ANKRD29: variants seen among roughly 807,000 people sequenced by gnomAD.
ANKRD29 encodes ankyrin repeat domain-containing protein 29.
A neutral mutation model predicts 38.0 loss-of-function variants in ANKRD29; 32 were observed. The observed-to-expected ratio is 0.84, with a 90% CI of 0.64 to 1.13. The LOEUF (loss-of-function observed/expected upper bound fraction) is 1.13, where lower values mean the gene tolerates loss of function less well. Among genes scored for constraint, ANKRD29 ranks in the 50% most tolerant of loss-of-function variants. The pLI is 0.00. For synonymous variants in ANKRD29, 135 were observed against 152.4 expected (o/e 0.89, Z 0.84); for missense variants, 357 against 377.9 (o/e 0.94, Z 0.46).
chr18:23,601,376 G>C (rs1047324693), intron 9 of ANKRD29, 67 bp from the exon 10 acceptor site: 3 of 1,362,462 alleles, frequency 2.2e-6, no homozygotes, highest in Admixed American at 1.7e-5. Context: ...ACTCCAAAGA[G>C]GGGCATTTGA....
At chr18:23,609,807 T>C (rs755021534) in intron 9 of ANKRD29, among the ~76,000 whole-genome samples, 5 of 152,154 alleles carry the variant, frequency 3.3e-5, no homozygotes, top group Admixed American at 1.3e-4. Context: ...AAAGATAAGA[T>C]CTAAAGAAAG....
At chr18:23,601,390 A>G (rs2059510268) in intron 9 of ANKRD29, 81 bp from the exon 10 acceptor site, 1 of 1,128,058 alleles carries the variant, frequency 8.9e-7, no homozygotes, top group Non-Finnish European at 1.3e-6. Context: ...CATTTGACCC[A>G]CTCTTTCTCC....
chr18:23,616,196 T>C (rs1273017308), intron 8 of ANKRD29, among the ~76,000 whole-genome samples: 8 of 149,830 alleles, frequency 5.3e-5, no homozygotes, highest in Non-Finnish European at 1.2e-4. Flanking sequence ...ATATAATACA[T>C]CCATACTATA....
At chr18:23,633,600 T>G (rs1282204747) in intron 5 of ANKRD29, among the ~76,000 whole-genome samples, 1 of 152,172 alleles carries the variant, frequency 6.6e-6, no homozygotes, top group Non-Finnish European at 1.5e-5. Flanking sequence ...GGACAGAGTC[T>G]CACTATGTCA....
intron 8 of ANKRD29, among the ~76,000 whole-genome samples, chr18:23,613,137 C>T (rs2059664651): frequency 2.0e-5 from 3 of 150,152 alleles, no homozygotes; most frequent in South Asian, 4.2e-4. Flanking sequence ...AATCTATCAA[C>T]TTCACCTACA....
chr18:23,631,765 G>T (rs532719622), intron 5 of ANKRD29, among the ~76,000 whole-genome samples: 2 of 152,186 alleles, frequency 1.3e-5, no homozygotes, highest in Non-Finnish European at 2.9e-5. Context: ...TCTTAACTGA[G>T]TATCTATGCC....
chr18:23,602,364 T>C (rs757246713), intron 9 of ANKRD29, among the ~76,000 whole-genome samples: 3 of 152,092 alleles, frequency 2.0e-5, no homozygotes, highest in Non-Finnish European at 4.4e-5. Context: ...AAGGCAGAGA[T>C]AGGAAACCTC....
intron 5 of ANKRD29, among the ~76,000 whole-genome samples, chr18:23,632,294 T>C (rs2059942629): frequency 6.6e-6 from 1 of 152,124 alleles, no homozygotes; most frequent in Non-Finnish European, 1.5e-5. Context: ...TACCCATGCA[T>C]TGAATTTTTC....
chr18:23,611,983 T>C, intron 9 of ANKRD29, 109 bp downstream of exon 9: 1 of 956,982 alleles, frequency 1.0e-6, no homozygotes, highest in Non-Finnish European at 1.6e-6. Flanking sequence ...ATGCCCTTAC[T>C]ATGCAAAGAA....
chr18:23,646,191 C>A lies in ANKRD29; in HGVS notation c.229G>T (p.Glu77Ter), dbSNP rs988213817. The A allele has an allele frequency of 1.2e-6, 2 of 1,613,994 alleles. No individual in the cohort carries two copies. Among genetic ancestry groups the A allele is most frequent in the Admixed American group, 1.7e-5 (1 of 60,002 alleles). Residue 77 changes from glutamate to a stop codon, truncating the protein, a stop_gained and splice_region_variant, in exon 3 of 10, where the codon GAG (glutamate) becomes TAG (stop). Coordinates refer to ENST00000592179, the MANE Select transcript of ANKRD29 (RefSeq NM_173505.4). LOFTEE classifies it high-confidence loss of function. ...TTCAAGTGCAAAGCCTGACCTACCT[C>A]TCTCTGGAGATTGATGTCTGCTCCT... Reference protein sequence around the residue: ...LQGADINLQRESGTTALFFAA... With the variant: ...LQGADINLQR
rs373253681 is a variant in ANKRD29, at chr18:23,638,906, A to G, written c.273T>C (p.His91=). The change falls in exon 4 of 10, where the codon CAT becomes CAC. Residue 91 remains histidine, a synonymous_variant. Transcript: ENST00000592179. ...CAAAGAGAAATCTCACGACATCATT[A>G]TGGCCTTGCTGGGCGGCAAAGAATA... ...TALFFAAQQG[H]NDVVRFLFGF... 263 of 1,613,162 alleles carry G rather than the reference A, an allele frequency of 1.6e-4. 1 individual carries two copies. Among genetic ancestry groups the G allele is most frequent in the Admixed American group, 1.5e-4 (9 of 59,646 alleles).
At chr18:23,607,900 C>T (rs1044111612) in intron 9 of ANKRD29, among the ~76,000 whole-genome samples, 1 of 152,194 alleles carries the variant, frequency 6.6e-6, no homozygotes, top group Non-Finnish European at 1.5e-5. Context: ...AGGGGTATGG[C>T]TACAGTCTGA....
intron 9 of ANKRD29, among the ~76,000 whole-genome samples, chr18:23,611,116 C>A (rs80022789): frequency 1.2e-3 from 176 of 152,304 alleles, no homozygotes; most frequent in African/African-American, 3.7e-3. Flanking sequence ...ACCCACCCAC[C>A]GCGAAGTTTG....
chr18:23,646,542 A>G (rs181862045), intron 2 of ANKRD29: 14 of 366,814 alleles, frequency 3.8e-5, no homozygotes, highest in East Asian at 2.8e-4. Context: ...CACAGTCCAA[A>G]TGAACCATAG....
At position 23,599,070 on chromosome 18, in the gene ANKRD29, T is replaced by G. The variant is rs1202096069; in HGVS notation, c.*2156A>C. Reference sequence around the variant, plus strand: ...AGTTTTAAGTCTTAGGATGCGGAGCTAACTGAATTGTCAATTAGATTAACA... The same window carrying G: ...AGTTTTAAGTCTTAGGATGCGGAGCGAACTGAATTGTCAATTAGATTAACA... On this transcript the variant is annotated 3_prime_UTR_variant, in exon 10 of 10. Transcript: ENST00000592179. The G allele has an allele frequency of 2.6e-5, 4 of 152,242 alleles. No homozygotes were observed. The highest frequency in any genetic ancestry group is 9.6e-5 in the African/African-American group (4 of 41,462). The allele number at this position is 152,242 out of a possible 1,614,324, so 9.4% of individuals were successfully genotyped here.
intron 1 of ANKRD29, 145 bp from the exon 2 acceptor site, chr18:23,649,338 T>G: frequency 1.4e-6 from 1 of 729,268 alleles, no homozygotes. Flanking sequence ...AATAGACAAC[T>G]GTAATAACAG....
intron 1 of ANKRD29, among the ~76,000 whole-genome samples, chr18:23,657,044 C>A (rs1263216280): frequency 1.3e-5 from 2 of 152,262 alleles, no homozygotes; most frequent in Non-Finnish European, 2.9e-5. Context: ...CACTGCCCCT[C>A]CATCAGGGGT....
Position 23,612,181 on chromosome 18 carries a change from A to AT in ANKRD29, c.732dup (p.Ser245IlefsTer13). 1 of 1,613,576 alleles carries AT rather than the reference A, an allele frequency of 6.2e-7. No homozygotes were observed. The highest frequency in any genetic ancestry group is 1.7e-5 in the Admixed American group (1 of 59,914). On this transcript the variant is annotated frameshift_variant, in exon 9 of 10. Transcript: ENST00000592179. LOFTEE classifies it high-confidence loss of function. ...CTGAGCACTGCTGCATGGAGCGCTGATGTCCCATTCTAAGAGAAAATGACA... is the reference window on the plus strand; with the variant it reads ...CTGAGCACTGCTGCATGGAGCGCTGATTGTCCCATTCTAAGAGAAAATGACA...
intron 9 of ANKRD29, among the ~76,000 whole-genome samples, chr18:23,611,700 ACCATTGATAGCGCCCTCAC>A (rs1230838697): frequency 5.6e-4 from 85 of 151,872 alleles, no homozygotes; most frequent in African/African-American, 2.0e-3. Context: ...AAAAAAGAAA[ACCATTGATAGCGCCCTCAC>A]CCATCACACA....
Sources: gnomAD v4.1 joint callset for allele counts (sites outside exome capture counted in the v4.1 genomes callset) on GRCh38, gnomAD v4.1.1 for gene constraint, MANE v1.5 for transcripts, NCBI Gene and HGNC (gene_info 2026-07-23, HGNC 2026-07-21) for gene names.